Variants in MCTP1 observed in about 807,000 individuals in gnomAD.
MCTP1 encodes the protein multiple C2 and transmembrane domain containing 1.
A neutral mutation model predicts 120.6 loss-of-function variants in MCTP1; 69 were observed. The ratio of observed to expected loss-of-function variants is 0.57; its 90% CI spans 0.47 to 0.70. The LOEUF (loss-of-function observed/expected upper bound fraction) is 0.70, where lower values mean the gene tolerates loss of function less well. Ranked by LOEUF, MCTP1 falls within the 30% of genes least tolerant of loss-of-function variation. The pLI is 0.00. For missense variants in MCTP1, 1,203 were observed against 1,248.8 expected (o/e 0.96, Z 0.55); for synonymous variants, 529 against 493.1 (o/e 1.07, Z -0.96).
chr5:94,871,908 C>T (rs551806569), intron 13 of MCTP1, among the ~76,000 whole-genome samples: 8 of 151,944 alleles, frequency 5.3e-5, no homozygotes, highest in East Asian at 1.9e-4. Context: ...AGATCATCGA[C>T]GTAGTTTCTG....
At chr5:95,038,003 A>G (rs938579143) in intron 1 of MCTP1, 1 of 306,098 alleles carries the variant, frequency 3.3e-6, no homozygotes, top group Non-Finnish European at 4.8e-6. Context: ...TACAAATACC[A>G]TCATATGGGG....
At chr5:94,889,582 C>G (rs1470898887) in intron 11 of MCTP1, among the ~76,000 whole-genome samples, 1 of 151,896 alleles carries the variant, frequency 6.6e-6, no homozygotes, top group African/African-American at 2.4e-5. Context: ...GGGCAAGACT[C>G]CAACTCAAAA....
intron 1 of MCTP1, among the ~76,000 whole-genome samples, chr5:95,039,078 C>T (rs895992303): frequency 1.3e-5 from 2 of 151,942 alleles, no homozygotes; most frequent in African/African-American, 4.8e-5. Flanking sequence ...AAAAATAGCA[C>T]ATACCTAACA....
chr5:95,165,609 C>T (rs889100376), intron 1 of MCTP1, among the ~76,000 whole-genome samples: 3 of 152,182 alleles, frequency 2.0e-5, no homozygotes, highest in Admixed American at 1.3e-4. Context: ...TAGCTGTCTG[C>T]TACAAAGACC....
chr5:94,722,980 A>G (rs1761255956), intron 19 of MCTP1, among the ~76,000 whole-genome samples: 1 of 152,236 alleles, frequency 6.6e-6, no homozygotes, highest in African/African-American at 2.4e-5. Context: ...AGGAAAATAC[A>G]TTAGATGAGA....
At chr5:95,144,513 GT>G (rs201433571) in intron 1 of MCTP1, among the ~76,000 whole-genome samples, 1,693 of 152,090 alleles carry the variant, frequency 0.011, 25 homozygotes, top group African/African-American at 0.038. Context: ...TTTCGGCTTT[GT>G]TTTTTACAGT....
Position 94,714,794 on chromosome 5 carries a change from A to G in MCTP1, c.2703T>C (p.Phe901=). The part of the protein sequence containing the change: ...VQNILDEVAS[F]GERIKNTFNW... ...TCACTCACTTCTTTATCCTTTCGCC[A>G]AAGGAAGCCACTTCATCTAGGATGT... Residue 901 remains phenylalanine (F), a synonymous_variant, in exon 20 of 23, where the codon TTT becomes TTC. Coordinates refer to ENST00000515393, the MANE Select transcript of MCTP1 (RefSeq NM_024717.7). 2.5e-6 allele frequency: 4 copies of G among 1,605,344 alleles called. No homozygotes were observed. Among genetic ancestry groups the G allele is most frequent in the Non-Finnish European group, 1.7e-6 (2 of 1,172,138 alleles).
At chr5:94,834,810 CTCTTT>C (rs1166748104) in intron 17 of MCTP1, among the ~76,000 whole-genome samples, 1 of 125,760 alleles carries the variant, frequency 8.0e-6, no homozygotes, top group African/African-American at 2.9e-5. Context: ...ATAACATTCT[CTCTTT>C]TTTTTTTTTT....
intron 17 of MCTP1, 157 bp downstream of exon 17, chr5:94,868,176 T>A: frequency 1.7e-6 from 1 of 581,342 alleles, no homozygotes; most frequent in Non-Finnish European, 2.6e-6. Context: ...GTACAATCCA[T>A]CAGGTTCCTG....
At chr5:95,197,042 T>C (rs1750478029) in intron 1 of MCTP1, among the ~76,000 whole-genome samples, 1 of 152,158 alleles carries the variant, frequency 6.6e-6, no homozygotes, top group Non-Finnish European at 1.5e-5. Flanking sequence ...AGTACTCTAG[T>C]TAATTGGGTA....
rs183730350 is a variant in MCTP1 at position 95,193,337 on chromosome 5, A to G, written c.720+90519T>C. ...GACTCCATAAGGTTATTTATTACTA[A>G]TATATTTTATATTTGCATGGCACTT... On this transcript the variant is annotated intron_variant, in intron 1 of 22. Coordinates refer to ENST00000515393, the MANE Select transcript of MCTP1 (RefSeq NM_024717.7). 1.2e-3 allele frequency among the ~76,000 whole-genome samples: 190 copies of G among 152,268 alleles called. 1 individual carries two copies. Among genetic ancestry groups the G allele is most frequent in the African/African-American group, 4.1e-3 (171 of 41,568 alleles).
At chr5:95,102,775 G>T (rs1488282005) in intron 1 of MCTP1, among the ~76,000 whole-genome samples, 1 of 152,186 alleles carries the variant, frequency 6.6e-6, no homozygotes. Context: ...CCTTAAGGAG[G>T]TGATACATTA....
intron 17 of MCTP1, among the ~76,000 whole-genome samples, chr5:94,833,552 T>C (rs1789034545): frequency 6.6e-6 from 1 of 152,172 alleles, no homozygotes; most frequent in Non-Finnish European, 1.5e-5. Context: ...AAAACAAATT[T>C]GTTTTTAAGA....
intron 1 of MCTP1, among the ~76,000 whole-genome samples, chr5:95,051,526 A>T (rs1419152833): frequency 6.6e-6 from 1 of 152,184 alleles, no homozygotes; most frequent in Admixed American, 6.5e-5. Context: ...TCCTTAGGTT[A>T]TAGGAAGTTT....
chr5:95,167,605 C>G (rs529562990), intron 1 of MCTP1, among the ~76,000 whole-genome samples: 1 of 152,206 alleles, frequency 6.6e-6, no homozygotes, highest in Non-Finnish European at 1.5e-5. Context: ...GCCATTCTAA[C>G]TGGTGTGAGA....
intron 12 of MCTP1, among the ~76,000 whole-genome samples, chr5:94,875,925 T>A (rs1040738857): frequency 6.6e-6 from 1 of 152,148 alleles, no homozygotes; most frequent in Non-Finnish European, 1.5e-5. Flanking sequence ...CATTAATGGA[T>A]GCTAACATCA....
chr5:94,930,717 G>GT (rs1332627365), intron 6 of MCTP1: 1 of 152,018 alleles, frequency 6.6e-6, no homozygotes, highest in Non-Finnish European at 1.5e-5. Context: ...GGGTTGTCAT[G>GT]TTTTTTACAC....
intron 1 of MCTP1, among the ~76,000 whole-genome samples, chr5:95,027,938 G>A (rs992879432): frequency 1.3e-5 from 2 of 152,212 alleles, no homozygotes; most frequent in Non-Finnish European, 2.9e-5. Context: ...GTGAGCTGCA[G>A]AGAGAGGCTG....
chr5:94,988,635 C>T (rs1830893906), intron 2 of MCTP1, among the ~76,000 whole-genome samples: 1 of 147,440 alleles, frequency 6.8e-6, no homozygotes, highest in Non-Finnish European at 1.5e-5. Flanking sequence ...ACCTTCTAGC[C>T]TTATTAAGGG....
Sources: gnomAD v4.1 joint callset for allele counts (sites outside exome capture counted in the v4.1 genomes callset) on GRCh38, gnomAD v4.1.1 for gene constraint, MANE v1.5 for transcripts, NCBI Gene and HGNC (gene_info 2026-07-23, HGNC 2026-07-21) for gene names.